The following DLG2 variants were observed in gnomAD, a reference collection of about 807,000 sequenced individuals.
DLG2 encodes disks large homolog 2.
DLG2 carries 45 observed loss-of-function variants against 132.5 expected under a neutral mutation model. The ratio of observed to expected loss-of-function variants is 0.34; its 90% CI spans 0.27 to 0.44. DLG2 has a LOEUF of 0.44. Ranked by LOEUF, DLG2 falls within the 20% of genes least tolerant of loss-of-function variation. The pLI is 1.00. For synonymous variants in DLG2, 424 were observed against 419.6 expected, an observed-to-expected ratio of 1.01 and a Z score of -0.13; for missense variants, 1,045 against 1,196.9, an observed-to-expected ratio of 0.87 and a Z score of 1.87.
intron 18 of DLG2, among the ~76,000 whole-genome samples, chr11:83,680,957 A>C (rs1173426736): frequency 6.6e-6 from 1 of 152,196 alleles, no homozygotes; most frequent in Non-Finnish European, 1.5e-5. Flanking sequence ...GACATTTGTC[A>C]CATCTACAGA....
chr11:85,194,005 G>C (rs537087247), intron 4 of DLG2, among the ~76,000 whole-genome samples: 66 of 152,340 alleles, frequency 4.3e-4, no homozygotes, highest in Non-Finnish European at 9.1e-4. Flanking sequence ...AAAAATTAGT[G>C]ACTACTGGCC....
intron 2 of DLG2, among the ~76,000 whole-genome samples, chr11:85,608,429 G>A (rs1033713569): frequency 1.3e-5 from 2 of 152,106 alleles, no homozygotes; most frequent in Non-Finnish European, 2.9e-5. Context: ...GACCTTTTCT[G>A]TAAGATGGAA....
chr11:84,318,485 C>A lies in DLG2; in HGVS notation c.520-67194G>T, dbSNP rs115443533. ...AGACCATCAGATGCCATCAAATCTA[C>A]CTTCTCAGTGGATTGACCAGGTGCT... On this transcript the variant is annotated intron_variant, in intron 7 of 27. Coordinates refer to ENST00000376104, the MANE Select transcript of DLG2 (RefSeq NM_001142699.3). Among the ~76,000 whole-genome samples the A allele has an allele frequency of 4.7e-4, 72 of 152,258 alleles. 1 individual carries two copies. The highest frequency in any genetic ancestry group is 1.6e-3 in the African/African-American group (66 of 41,550).
chr11:84,826,159 G>A (rs939991303), intron 6 of DLG2, among the ~76,000 whole-genome samples: 3 of 151,612 alleles, frequency 2.0e-5, no homozygotes, highest in Non-Finnish European at 2.9e-5. Context: ...GGTTAAATAC[G>A]GTACCCATCA....
chr11:84,240,678 A>G (rs2097215133), intron 8 of DLG2, among the ~76,000 whole-genome samples: 1 of 152,166 alleles, frequency 6.6e-6, no homozygotes, highest in Non-Finnish European at 1.5e-5. Flanking sequence ...GGCATTGTGG[A>G]CTAATTGAAC....
chr11:84,106,813 C>CTGTGTGTGTG (rs71066090), intron 9 of DLG2, among the ~76,000 whole-genome samples: 17 of 132,928 alleles, frequency 1.3e-4, no homozygotes, highest in Admixed American at 3.0e-4. Context: ...AGATTATTAT[C>CTGTGTGTGTG]TGTGTGTGTG....
chr11:84,203,746 G>C (rs1200325229), intron 8 of DLG2, among the ~76,000 whole-genome samples: 1 of 151,992 alleles, frequency 6.6e-6, no homozygotes, highest in Non-Finnish European at 1.5e-5. Flanking sequence ...TGAACACATG[G>C]AAGGGAAAAA....
At chr11:85,530,327 A>ATT (rs551123228) in intron 3 of DLG2, among the ~76,000 whole-genome samples, 10 of 133,220 alleles carry the variant, frequency 7.5e-5, no homozygotes, top group African/African-American at 2.0e-4. Flanking sequence ...TATTTTATTT[A>ATT]TTTTTTTTTT....
At chr11:84,978,617 G>C (rs2055265167) in intron 6 of DLG2, among the ~76,000 whole-genome samples, 1 of 152,158 alleles carries the variant, frequency 6.6e-6, no homozygotes, top group African/African-American at 2.4e-5. Context: ...GCCATATGTA[G>C]AAAGCTGAAA....
intron 15 of DLG2, among the ~76,000 whole-genome samples, chr11:83,880,230 T>C (rs79388537): frequency 6.6e-6 from 1 of 152,074 alleles, no homozygotes; most frequent in African/African-American, 2.4e-5. Flanking sequence ...AAGATGGAGA[T>C]AACAGTGATT....
chr11:83,777,781 TA>T (rs1263706906), intron 18 of DLG2, among the ~76,000 whole-genome samples: 1 of 152,218 alleles, frequency 6.6e-6, no homozygotes, highest in African/African-American at 2.4e-5. Context: ...TCTGTGTGTT[TA>T]AAATGTATGG....
intron 8 of DLG2, among the ~76,000 whole-genome samples, chr11:84,202,187 T>C (rs1405525113): frequency 6.6e-6 from 1 of 151,894 alleles, no homozygotes; most frequent in African/African-American, 2.4e-5. Flanking sequence ...AGAACAAAAC[T>C]GGAGACATCA....
chr11:84,205,117 C>A (rs1000425660), intron 8 of DLG2, among the ~76,000 whole-genome samples: 1 of 152,142 alleles, frequency 6.6e-6, no homozygotes, highest in Non-Finnish European at 1.5e-5. Flanking sequence ...ATGATGTAGA[C>A]TGTAAAACAA....
At chr11:84,350,142 C>G (rs1218380357) in intron 7 of DLG2, among the ~76,000 whole-genome samples, 1 of 146,728 alleles carries the variant, frequency 6.8e-6, no homozygotes, top group Admixed American at 6.8e-5. Flanking sequence ...TGCGCCAAGG[C>G]ACTCCAGCCT....
chr11:84,774,120 T>C (rs762967314), intron 6 of DLG2, among the ~76,000 whole-genome samples: 5 of 152,100 alleles, frequency 3.3e-5, no homozygotes, highest in Admixed American at 6.6e-5. Context: ...AAAAATTCAG[T>C]AGAATTTGTA....
chr11:83,730,408 C>T (rs1300268245), intron 18 of DLG2, among the ~76,000 whole-genome samples: 2 of 151,846 alleles, frequency 1.3e-5, no homozygotes, highest in African/African-American at 2.4e-5. Context: ...TGTGGGAGAC[C>T]GGAATATGCC....
intron 3 of DLG2, among the ~76,000 whole-genome samples, chr11:85,461,571 G>A (rs137889977): frequency 6.6e-6 from 1 of 152,294 alleles, no homozygotes; most frequent in East Asian, 1.9e-4. Flanking sequence ...AGAGGCCAGT[G>A]ATGGGAAGTA....
At chr11:85,008,431 T>C (rs903029588) in intron 6 of DLG2, among the ~76,000 whole-genome samples, 1 of 152,176 alleles carries the variant, frequency 6.6e-6, no homozygotes, top group Admixed American at 6.5e-5. Flanking sequence ...TAAGAAATTT[T>C]ACAGGGTTCC....
At chr11:84,090,368 C>G (rs964513327) in intron 10 of DLG2, among the ~76,000 whole-genome samples, 2 of 139,894 alleles carry the variant, frequency 1.4e-5, no homozygotes, top group African/African-American at 5.4e-5. Context: ...GAGCCAAGAT[C>G]GCACCATTGC....
Sources: gnomAD v4.1 joint callset for allele counts (sites outside exome capture counted in the v4.1 genomes callset) on GRCh38, gnomAD v4.1.1 for gene constraint, MANE v1.5 for transcripts, NCBI Gene and HGNC (gene_info 2026-07-23, HGNC 2026-07-21) for gene names.